Variants in TRPC6 observed in about 807,000 individuals in gnomAD.
TRPC6 encodes transient receptor potential cation channel subfamily C member 6, also known as short transient receptor potential channel 6.
A neutral mutation model predicts 90.7 loss-of-function variants in TRPC6; 55 were observed. That is an observed-to-expected ratio of 0.61 (90% CI 0.49 to 0.76). The LOEUF is 0.76. TRPC6 is among the 30% of genes least tolerant of loss of function. The pLI is 0.00. For synonymous variants in TRPC6, 393 were observed against 393.0 expected (o/e 1.00, Z 0.00); for missense variants, 989 against 1,122.7 (o/e 0.88, Z 1.70).
intron 1 of TRPC6, among the ~76,000 whole-genome samples, chr11:101,535,937 TTCTG>T (rs1861035242): frequency 6.6e-6 from 1 of 152,216 alleles, no homozygotes; most frequent in Non-Finnish European, 1.5e-5. Context: ...AATGCTCCAA[TTCTG>T]TCTATTTAGA....
At chr11:101,571,215 A>G (rs564763020) in intron 1 of TRPC6, among the ~76,000 whole-genome samples, 1 of 152,298 alleles carries the variant, frequency 6.6e-6, no homozygotes, top group South Asian at 2.1e-4. Context: ...AAGCATTCCT[A>G]TACACCAATA....
intron 5 of TRPC6, among the ~76,000 whole-genome samples, chr11:101,482,132 T>C (rs1485534073): frequency 6.6e-6 from 1 of 152,188 alleles, no homozygotes; most frequent in Admixed American, 6.5e-5. Context: ...AACTCAATTA[T>C]AGCATTTGTC....
Position 101,504,192 on chromosome 11 carries a change from G to A in TRPC6, c.777C>T (p.Asn259=), listed in dbSNP as rs1163775383. 6.2e-7 allele frequency: 1 copy of A among 1,613,992 alleles called. No homozygotes were observed. Among genetic ancestry groups the A allele is most frequent in the African/African-American group, 1.3e-5 (1 of 74,900 alleles). Residue 259 remains asparagine, a synonymous_variant, in exon 2 of 13, where the codon AAC becomes AAT. Coordinates refer to ENST00000344327, the MANE Select transcript of TRPC6 (RefSeq NM_004621.6). ...HDYFCKCNDC[N]QKQKHDSFSH... is the part of the protein sequence containing the mutation. The stretch of plus-strand genomic sequence containing the variant: ...TAAACGAGTCATGCTTCTGTTTCTG[G>A]TTGCAGTCATTGCACTTGCAGAAAT...
At chr11:101,519,421 T>G (rs147463946) in intron 1 of TRPC6, among the ~76,000 whole-genome samples, 1,638 of 152,260 alleles carry the variant, frequency 0.011, 37 homozygotes, top group African/African-American at 0.037. Flanking sequence ...TTTAATTCTA[T>G]TTCTCTGTTT....
At chr11:101,562,849 G>A (rs908470102) in intron 1 of TRPC6, among the ~76,000 whole-genome samples, 2 of 152,104 alleles carry the variant, frequency 1.3e-5, no homozygotes, top group African/African-American at 4.8e-5. Flanking sequence ...TTCATGTCTG[G>A]GCTTTCACTT....
rs1591069512 is a variant in TRPC6 at position 101,475,369 on chromosome 11, T to C, written c.1744+932A>G. 2.6e-5 allele frequency among the ~76,000 whole-genome samples: 4 copies of C among 152,276 alleles called. 1 individual carries two copies. Among genetic ancestry groups the C allele is most frequent in the Admixed American group, 2.6e-4 (4 of 15,290 alleles). Reference sequence around the variant, plus strand: ...TATGTCTGTCTACACTGTGCAAAGATTAAATTAAGCTAATTAACATATTCA... The same window carrying C: ...TATGTCTGTCTACACTGTGCAAAGACTAAATTAAGCTAATTAACATATTCA... On this transcript the variant is annotated intron_variant, in intron 6 of 12. Transcript: ENST00000344327.
At chr11:101,500,375 A>AT (rs1860088424) in intron 2 of TRPC6, among the ~76,000 whole-genome samples, 1 of 151,360 alleles carries the variant, frequency 6.6e-6, no homozygotes, top group Non-Finnish European at 1.5e-5. Flanking sequence ...TGCCCAGCTA[A>AT]TTTTTTTGTA....
At chr11:101,502,363 G>A (rs1187006829) in intron 2 of TRPC6, among the ~76,000 whole-genome samples, 2 of 152,112 alleles carry the variant, frequency 1.3e-5, no homozygotes, top group African/African-American at 4.8e-5. Context: ...GGACAGGATT[G>A]CTGACTGAAT....
chr11:101,503,952 C>A, intron 2 of TRPC6, 72 bp downstream of exon 2: 4 of 1,588,786 alleles, frequency 2.5e-6, no homozygotes, highest in Non-Finnish European at 3.5e-6. Context: ...GTGCTGAGCA[C>A]ATGGGGGAAG....
intron 1 of TRPC6, among the ~76,000 whole-genome samples, chr11:101,574,292 A>G (rs1020885710): frequency 6.6e-6 from 1 of 151,112 alleles, no homozygotes; most frequent in African/African-American, 2.5e-5. Flanking sequence ...TTATTTTTTA[A>G]TTATGTGCAT....
At chr11:101,525,327 A>G (rs893173809) in intron 1 of TRPC6, among the ~76,000 whole-genome samples, 13 of 152,224 alleles carry the variant, frequency 8.5e-5, no homozygotes, top group African/African-American at 3.1e-4. Flanking sequence ...CACCACCTGT[A>G]AAAGAGGAAC....
intron 10 of TRPC6, among the ~76,000 whole-genome samples, chr11:101,464,751 C>A (rs996125368): frequency 1.3e-5 from 2 of 152,106 alleles, no homozygotes; most frequent in African/African-American, 4.8e-5. Flanking sequence ...AGCCAATATG[C>A]CAGTCTGTGT....
chr11:101,491,282 A>G (rs938563679), intron 3 of TRPC6: 21 of 345,070 alleles, frequency 6.1e-5, no homozygotes, highest in African/African-American at 4.5e-4. Flanking sequence ...AAAATACAAA[A>G]AATTAGCCGG....
At chr11:101,568,462 T>A (rs1245178006) in intron 1 of TRPC6, among the ~76,000 whole-genome samples, 12 of 152,084 alleles carry the variant, frequency 7.9e-5, no homozygotes, top group African/African-American at 9.7e-5. Flanking sequence ...CAGGAGAACT[T>A]CCCCAACCTA....
intron 10 of TRPC6, among the ~76,000 whole-genome samples, chr11:101,468,551 G>A (rs1859206689): frequency 6.6e-6 from 1 of 152,204 alleles, no homozygotes; most frequent in South Asian, 2.1e-4. Context: ...TCTAAAGGTG[G>A]TGGCAGATTC....
chr11:101,489,573 T>C (rs904932597), intron 3 of TRPC6, among the ~76,000 whole-genome samples: 3 of 152,132 alleles, frequency 2.0e-5, no homozygotes, highest in African/African-American at 7.2e-5. Context: ...TTTTATTCTA[T>C]TGATCTCTCC....
intron 2 of TRPC6, among the ~76,000 whole-genome samples, chr11:101,499,607 G>GTA (rs1364313131): frequency 1.3e-4 from 8 of 62,688 alleles, no homozygotes; most frequent in East Asian, 5.7e-4. Context: ...CGTATATATG[G>GTA]TATATATATA....
chr11:101,550,966 A>G (rs1686122045), intron 1 of TRPC6, among the ~76,000 whole-genome samples: 2 of 151,970 alleles, frequency 1.3e-5, no homozygotes, highest in African/African-American at 4.8e-5. Context: ...TTGAATAATG[A>G]AATATTTAAT....
chr11:101,483,721 A>G (rs1267043409), intron 4 of TRPC6, among the ~76,000 whole-genome samples: 1 of 152,216 alleles, frequency 6.6e-6, no homozygotes, highest in Non-Finnish European at 1.5e-5. Context: ...CAGTTCCTAC[A>G]GTGTATTGAA....
Sources: allele counts gnomAD v4.1 joint callset (sites outside exome capture counted in the v4.1 genomes callset), GRCh38; gene constraint gnomAD v4.1.1; transcripts MANE v1.5; gene names NCBI Gene and HGNC (gene_info 2026-07-23, HGNC 2026-07-21).